LRIG1: variants seen among roughly 807,000 people sequenced by gnomAD.
LRIG1 encodes the protein leucine-rich repeats and immunoglobulin-like domains protein 1.
A neutral mutation model predicts 99.2 loss-of-function variants in LRIG1; 48 were observed. That is an observed-to-expected ratio of 0.48 (90% CI 0.38 to 0.62). LRIG1 has a LOEUF of 0.62. Ranked by LOEUF, LRIG1 falls within the 20% of genes least tolerant of loss-of-function variation. The pLI is 0.00. For synonymous variants in LRIG1, 772 were observed against 596.1 expected, an observed-to-expected ratio of 1.29 and a Z score of -4.30; for missense variants, 1,646 against 1,434.4, an observed-to-expected ratio of 1.15 and a Z score of -2.38.
chr3:66,480,424 A>T (rs932403776), intron 1 of LRIG1, among the ~76,000 whole-genome samples: 5 of 152,144 alleles, frequency 3.3e-5, no homozygotes, highest in Non-Finnish European at 7.3e-5. Flanking sequence ...CCTATCATTG[A>T]AAAGGATGAG....
intron 2 of LRIG1, 98 bp downstream of exon 2, chr3:66,462,340 C>T: frequency 1.2e-6 from 1 of 830,778 alleles, no homozygotes; most frequent in Non-Finnish European, 2.0e-6. Flanking sequence ...CAAGTTTACA[C>T]TGCGGATCTA....
intron 9 of LRIG1, among the ~76,000 whole-genome samples, chr3:66,401,137 C>T (rs1166302103): frequency 1.3e-5 from 2 of 152,254 alleles, no homozygotes; most frequent in African/African-American, 4.8e-5. Flanking sequence ...TTCAGGCCGT[C>T]TGCATGAATG....
chr3:66,499,403 G>C (rs570332712), intron 1 of LRIG1, among the ~76,000 whole-genome samples: 30 of 152,310 alleles, frequency 2.0e-4, no homozygotes, highest in African/African-American at 7.0e-4. Flanking sequence ...ATGGAGGAGA[G>C]AGTCTTGAGG....
At chr3:66,393,309 C>T (rs1701697616) in intron 12 of LRIG1, among the ~76,000 whole-genome samples, 1 of 152,174 alleles carries the variant, frequency 6.6e-6, no homozygotes, top group Non-Finnish European at 1.5e-5. Flanking sequence ...CCTGGGAATC[C>T]CACTCTTGCT....
intron 1 of LRIG1, among the ~76,000 whole-genome samples, chr3:66,492,462 G>A (rs1433971437): frequency 1.3e-5 from 2 of 152,070 alleles, no homozygotes; most frequent in South Asian, 2.1e-4. Flanking sequence ...CCTGCATTAC[G>A]TTCATCGTGT....
In LRIG1 at chr3:66,386,235, A is replaced by C; in HGVS notation, c.1535T>G (p.Ile512Ser). 6.2e-7 allele frequency: 1 copy of C among 1,613,986 alleles called. No individual in the cohort carries two copies. The highest frequency in any genetic ancestry group is 8.5e-7 in the Non-Finnish European group (1 of 1,179,980). ...GCTGGCTGCTGAGCATGTAAACCGG[A>C]TGTCCTTGCCCACCATAGCCATGGT... is the stretch of plus-strand genomic sequence containing the variant. ...ETTMAMVGKD[I>S]RFTCSAASSS... is the part of the protein sequence containing the mutation. The change falls in exon 13 of 19, where the codon ATC becomes AGC. Residue 512 changes from isoleucine to serine, a missense_variant. By Grantham distance (142) the Ile-to-Ser change is moderately radical (BLOSUM62 -2). Transcript: ENST00000273261.
chr3:66,476,076 C>T (rs1700716593), intron 1 of LRIG1, among the ~76,000 whole-genome samples: 1 of 152,180 alleles, frequency 6.6e-6, no homozygotes, highest in Non-Finnish European at 1.5e-5. Context: ...TTCAGAACTA[C>T]CTATATCAAA....
chr3:66,383,791 T>C (rs1701226247), intron 14 of LRIG1, among the ~76,000 whole-genome samples, 200 bp downstream of exon 14: 1 of 152,198 alleles, frequency 6.6e-6, no homozygotes, highest in Non-Finnish European at 1.5e-5. Flanking sequence ...AGACTCTTAA[T>C]TCACCAGCTA....
chr3:66,473,734 C>T lies in LRIG1; in HGVS notation c.219-11225G>A, dbSNP rs890496549. Among the ~76,000 whole-genome samples, 3 of 152,196 alleles carry T rather than the reference C, an allele frequency of 2.0e-5. No homozygotes were observed. The South Asian group carries it at 6.2e-4, about 31-fold the overall frequency. ...ATCCGCTGTATTACAGGGAGGCACG[C>T]GACTATCTCTAGCTAAGTATTTTAA... On this transcript the variant is annotated intron_variant, in intron 1 of 18. Transcript: ENST00000273261.
chr3:66,447,075 T>A (rs1703755714), intron 3 of LRIG1, among the ~76,000 whole-genome samples: 1 of 152,146 alleles, frequency 6.6e-6, no homozygotes, highest in African/African-American at 2.4e-5. Context: ...TTTTTTAAAT[T>A]TTCTGATTTT....
In LRIG1 at chr3:66,386,300, A is replaced by G. The variant is rs1434016027; in HGVS notation, c.1470T>C (p.Asp490=). The part of the protein sequence containing the change: ...FSVPPESFVC[D]DFLKPQIITQ... Reference sequence around the variant, plus strand: ...TGATGATCTGTGGCTTCAGGAAGTCATCTGGGGAGAGAAGGGTCAACTGTA... The same window carrying G: ...TGATGATCTGTGGCTTCAGGAAGTCGTCTGGGGAGAGAAGGGTCAACTGTA... Residue 490 remains aspartate, a splice_region_variant and synonymous_variant, in exon 13 of 19, where the codon GAT becomes GAC. Coordinates refer to ENST00000273261, the MANE Select transcript of LRIG1 (RefSeq NM_015541.3). The G allele has an allele frequency of 1.2e-6, 2 of 1,613,200 alleles. No homozygotes were observed. Among genetic ancestry groups the G allele is most frequent in the Non-Finnish European group, 1.7e-6 (2 of 1,179,494 alleles).
At chr3:66,464,424 G>C (rs1417707090) in intron 1 of LRIG1, among the ~76,000 whole-genome samples, 1 of 151,942 alleles carries the variant, frequency 6.6e-6, no homozygotes. Flanking sequence ...CCGAAACAAG[G>C]GCCAGTGCAG....
intron 4 of LRIG1, among the ~76,000 whole-genome samples, chr3:66,415,418 G>A (rs1048095286): frequency 2.6e-5 from 4 of 152,320 alleles, no homozygotes; most frequent in African/African-American, 9.6e-5. Flanking sequence ...ACCACCCAGT[G>A]CCCAAGGTTG....
intron 6 of LRIG1, among the ~76,000 whole-genome samples, chr3:66,412,602 G>A (rs1702504377): frequency 1.3e-5 from 2 of 152,230 alleles, no homozygotes; most frequent in Admixed American, 1.3e-4. Flanking sequence ...TCCGGCTGAA[G>A]TCTTGAAGAA....
rs893656125 is a variant in LRIG1 at position 66,472,343 on chromosome 3, C to T, written c.219-9834G>A. 4.2e-5 allele frequency among the ~76,000 whole-genome samples: 6 copies of T among 141,692 alleles called. No homozygotes were observed. The East Asian group carries it at 1.0e-3, about 25-fold the overall frequency. The allele number at this position is 141,692 out of a possible 152,430, so 93.0% of individuals were successfully genotyped here. ...AAAAAAAAAAAAAAAACACTAACTT[C>T]GGATGGTCACAGGAAAGATGCAAAC... On this transcript the variant is annotated intron_variant, in intron 1 of 18. Transcript: ENST00000273261.
chr3:66,449,663 C>T (rs10212503), intron 3 of LRIG1, among the ~76,000 whole-genome samples: 6,080 of 152,264 alleles, frequency 0.04, 414 homozygotes, highest in African/African-American at 0.14. Flanking sequence ...GCTCCTGCCC[C>T]GAGTGCATGG....
intron 14 of LRIG1, 133 bp downstream of exon 14, chr3:66,383,858 A>C (rs758343178): frequency 5.9e-5 from 78 of 1,321,606 alleles, no homozygotes; most frequent in Non-Finnish European, 7.6e-5. Context: ...TCAACTCAAA[A>C]AGCAGCCCCA....
At chr3:66,429,064 CTG>C (rs928099588) in intron 3 of LRIG1, among the ~76,000 whole-genome samples, 2 of 152,238 alleles carry the variant, frequency 1.3e-5, no homozygotes, top group Non-Finnish European at 2.9e-5. Flanking sequence ...CAGGACTGGG[CTG>C]TGTCAACCAA....
intron 12 of LRIG1, chr3:66,387,156 C>CT (rs1342795951): frequency 6.6e-6 from 1 of 151,008 alleles, no homozygotes; most frequent in African/African-American, 2.4e-5. Flanking sequence ...GCGCAGCTGT[C>CT]TGAGGGGACA....
Sources: allele counts gnomAD v4.1 joint callset (sites outside exome capture counted in the v4.1 genomes callset), GRCh38; gene constraint gnomAD v4.1.1; transcripts MANE v1.5; gene names NCBI Gene and HGNC (gene_info 2026-07-23, HGNC 2026-07-21).